The following CFAP299 variants were observed in gnomAD, a reference collection of about 807,000 sequenced individuals.
CFAP299 encodes cilia- and flagella-associated protein 299.
A neutral mutation model predicts 27.0 loss-of-function variants in CFAP299; 21 were observed. That is an observed-to-expected ratio of 0.78 (90% CI 0.55 to 1.12). CFAP299 has a LOEUF of 1.12. Among genes scored for constraint, CFAP299 ranks in the 50% most tolerant of loss-of-function variants. The pLI is 0.00. For missense variants in CFAP299, 310 were observed against 276.6 expected, an observed-to-expected ratio of 1.12 and a Z score of -0.86; for synonymous variants, 104 against 98.1, an observed-to-expected ratio of 1.06 and a Z score of -0.36.
intron 3 of CFAP299, among the ~76,000 whole-genome samples, chr4:80,630,248 TAGAA>T (rs1645475963): frequency 1.3e-5 from 2 of 152,006 alleles, no homozygotes; most frequent in Non-Finnish European, 2.9e-5. Flanking sequence ...TGGTAGGGAG[TAGAA>T]AAGCCGTACA....
chr4:80,447,130 G>GTTT lies in CFAP299; in HGVS notation c.242+84267_242+84269dup, dbSNP rs1553923883. 1.1e-3 allele frequency among the ~76,000 whole-genome samples: 112 copies of GTTT among 105,268 alleles called. 1 individual carries two copies. Among genetic ancestry groups the GTTT allele is most frequent in the African/African-American group, 3.7e-3 (83 of 22,684 alleles). 69.1% of individuals were successfully genotyped at this position (105,268 alleles called of 152,430 possible). On this transcript the variant is annotated intron_variant, in intron 2 of 5. Coordinates refer to ENST00000358105, the MANE Select transcript of CFAP299 (RefSeq NM_152770.3). ...TTTGCTTTTTATTTGTTTTTTTTTTGTTTTTTTTTTTTTTTTTTTTTTTGA... is the reference window on the plus strand; with the variant it reads ...TTTGCTTTTTATTTGTTTTTTTTTTGTTTTTTTTTTTTTTTTTTTTTTTTTTGA...
rs1350655580 is a variant in CFAP299 at position 80,822,644 on chromosome 4, C to T, written c.334-47349C>T. ...ATAATATTTTTGAACTGGATAAGAT[C>T]TATGAGAGCATAAGCACAGAAAAAT... On this transcript the variant is annotated intron_variant, in intron 3 of 5. Transcript: ENST00000358105. Among the ~76,000 whole-genome samples the T allele has an allele frequency of 2.0e-5, 3 of 152,156 alleles. No individual in the cohort carries two copies. In the South Asian group the frequency reaches 6.2e-4, roughly 32 times the overall value.
chr4:80,356,926 G>T (rs564513549), intron 1 of CFAP299, among the ~76,000 whole-genome samples: 7 of 152,206 alleles, frequency 4.6e-5, no homozygotes, highest in Admixed American at 3.3e-4. Context: ...TTTTCAAGGG[G>T]TATGCTTCCA....
chr4:80,333,222 T>C (rs193011052), upstream of CFAP299, among the ~76,000 whole-genome samples: 2 of 152,272 alleles, frequency 1.3e-5, no homozygotes, highest in African/African-American at 4.8e-5. Flanking sequence ...TAACTGAGAC[T>C]GTGAGGAAGT....
intron 4 of CFAP299, among the ~76,000 whole-genome samples, chr4:80,912,928 C>T (rs948485126): frequency 6.6e-6 from 1 of 152,102 alleles, no homozygotes. Flanking sequence ...GAAGCCAACA[C>T]TCTAAAGAGA....
intron 2 of CFAP299, among the ~76,000 whole-genome samples, chr4:80,472,744 G>A (rs1241639638): frequency 6.6e-6 from 1 of 152,098 alleles, no homozygotes; most frequent in Non-Finnish European, 1.5e-5. Flanking sequence ...CCTCCACCTG[G>A]CAACATGCAT....
Position 80,931,989 on chromosome 4 carries a change from A to T in CFAP299, c.477-12821A>T, listed in dbSNP as rs559796743. ...TCCCTGTGGTTTGCTCTTAGCAGGG[A>T]ATCTTTACTGATTCCATAGGCTAGC... On this transcript the variant is annotated intron_variant, in intron 4 of 5. Coordinates refer to ENST00000358105, the MANE Select transcript of CFAP299 (RefSeq NM_152770.3). Among the ~76,000 whole-genome samples the T allele has an allele frequency of 1.7e-4, 26 of 152,268 alleles. No individual in the cohort carries two copies. The South Asian group carries it at 5.4e-3, about 32-fold the overall frequency.
chr4:80,510,145 T>C (rs1258242612), intron 2 of CFAP299, among the ~76,000 whole-genome samples: 1 of 152,172 alleles, frequency 6.6e-6, no homozygotes, highest in Non-Finnish European at 1.5e-5. Context: ...TTGCCTCATA[T>C]AGGATTTGTT....
At chr4:80,432,491 T>C (rs1727867241) in intron 2 of CFAP299, among the ~76,000 whole-genome samples, 1 of 151,544 alleles carries the variant, frequency 6.6e-6, no homozygotes. Context: ...AAAGACAGTC[T>C]TTTTAGCACA....
chr4:80,855,761 A>G (rs532929621), intron 3 of CFAP299, among the ~76,000 whole-genome samples: 4 of 152,346 alleles, frequency 2.6e-5, no homozygotes, highest in African/African-American at 9.6e-5. Context: ...GCTGCATAGT[A>G]TTCCACGGTG....
chr4:80,774,347 ATTAAC>A (rs1726398870), intron 3 of CFAP299, among the ~76,000 whole-genome samples: 1 of 151,922 alleles, frequency 6.6e-6, no homozygotes, highest in Non-Finnish European at 1.5e-5. Flanking sequence ...TAATAATAAT[ATTAAC>A]TTAAAACAAA....
intron 4 of CFAP299, among the ~76,000 whole-genome samples, chr4:80,914,670 CCCTGCAGGTTATT>C (rs1395559930): frequency 1.3e-5 from 2 of 152,088 alleles, no homozygotes; most frequent in Non-Finnish European, 2.9e-5. Flanking sequence ...ATATATAGGA[CCCTGCAGGTTATT>C]TATTTCCTCA....
chr4:80,384,495 C>T (rs1724868750), intron 2 of CFAP299, among the ~76,000 whole-genome samples: 1 of 152,144 alleles, frequency 6.6e-6, no homozygotes, highest in Non-Finnish European at 1.5e-5. Context: ...ACACAAAGAA[C>T]TTATTTTGTC....
At chr4:80,901,362 C>T (rs1402475245) in intron 4 of CFAP299, among the ~76,000 whole-genome samples, 4 of 152,118 alleles carry the variant, frequency 2.6e-5, no homozygotes, top group Non-Finnish European at 5.9e-5. Flanking sequence ...CTGCTAGAGA[C>T]ATCTTCTTTG....
At chr4:80,757,702 T>G (rs1359774762) in intron 3 of CFAP299, among the ~76,000 whole-genome samples, 2 of 151,404 alleles carry the variant, frequency 1.3e-5, no homozygotes, top group Non-Finnish European at 2.9e-5. Flanking sequence ...TTTTTTGTTT[T>G]TTTTGTTTGT....
chr4:80,330,493 C>T, the CFAP299 span, among the ~76,000 whole-genome samples: 36 of 152,148 alleles, frequency 2.4e-4, no homozygotes, highest in African/African-American at 7.5e-4. Flanking sequence ...CTGAACATAC[C>T]TCTCGTTTTC....
At chr4:80,896,501 TGTG>T (rs2110191210) in intron 4 of CFAP299, among the ~76,000 whole-genome samples, 1 of 151,032 alleles carries the variant, frequency 6.6e-6, no homozygotes, top group Admixed American at 6.6e-5. Flanking sequence ...CAAATTAACA[TGTG>T]GCTTCTGTGG....
intron 3 of CFAP299, among the ~76,000 whole-genome samples, chr4:80,648,386 T>C (rs1348666044): frequency 6.6e-6 from 1 of 152,196 alleles, no homozygotes; most frequent in Non-Finnish European, 1.5e-5. Context: ...ATTTGTATGT[T>C]TTACATTAAA....
chr4:80,625,152 C>A (rs560622393), intron 3 of CFAP299, among the ~76,000 whole-genome samples: 1 of 151,998 alleles, frequency 6.6e-6, no homozygotes, highest in African/African-American at 2.4e-5. Flanking sequence ...AAGGTTAAGA[C>A]AAAACTATTA....
Sources: gnomAD v4.1 joint callset for allele counts (sites outside exome capture counted in the v4.1 genomes callset) on GRCh38, gnomAD v4.1.1 for gene constraint, MANE v1.5 for transcripts, NCBI Gene and HGNC (gene_info 2026-07-23, HGNC 2026-07-21) for gene names.